Variants in EGFR observed in about 807,000 individuals in gnomAD.
The protein encoded by EGFR is avian erythroblastic leukemia viral (v-erb-b) oncogene homolog.
EGFR carries 58 observed loss-of-function variants against 143.0 expected under a neutral mutation model. The observed-to-expected ratio is 0.41, with a 90% CI of 0.33 to 0.50. EGFR has a LOEUF of 0.50. Among genes scored for constraint, EGFR ranks in the 20% least tolerant of loss-of-function variants. The probability of loss-of-function intolerance (pLI) is 0.39; values close to 1 mark genes in which losing one functional copy is unlikely to be tolerated. For missense variants in EGFR, 1,307 were observed against 1,579.0 expected (o/e 0.83, Z 2.92); for synonymous variants, 613 against 594.4 (o/e 1.03, Z -0.45).
At chr7:55,031,424 A>G (rs1400949825) in intron 1 of EGFR, among the ~76,000 whole-genome samples, 1 of 152,218 alleles carries the variant, frequency 6.6e-6, no homozygotes, top group Non-Finnish European at 1.5e-5. Context: ...GTGGGACAAC[A>G]TGAAGAATCA....
intron 1 of EGFR, among the ~76,000 whole-genome samples, chr7:55,139,299 T>A (rs1794328029): frequency 6.6e-6 from 1 of 152,232 alleles, no homozygotes; most frequent in South Asian, 2.1e-4. Context: ...TCTTTGCAGT[T>A]TTGTCTTAAA....
intron 27 of EGFR, 53 bp from the exon 28 acceptor site, chr7:55,205,203 C>T (rs2128974974): frequency 6.2e-7 from 1 of 1,607,114 alleles, no homozygotes; most frequent in Non-Finnish European, 8.5e-7. Context: ...AGGGATCCTG[C>T]ATGGGATGGT....
Position 55,191,626 on chromosome 7 carries a change from C to T in EGFR, c.2470-93C>T. 1.9e-6 allele frequency: 3 copies of T among 1,560,004 alleles called. No homozygotes were observed. In the South Asian group the frequency reaches 3.4e-5, roughly 17 times the overall value. On this transcript the variant is annotated intron_variant, in intron 20 of 27. Coordinates refer to ENST00000275493, the MANE Select transcript of EGFR (RefSeq NM_005228.5). The stretch of plus-strand genomic sequence containing the variant: ...GCCATAAGTCCTCGACGTGGAGAGG[C>T]TCAGAGCCTGGCATGAACATGACCC...
chr7:55,157,036 C>A, intron 10 of EGFR: 1 of 1,320,830 alleles, frequency 7.6e-7, no homozygotes, highest in Non-Finnish European at 1.0e-6. Flanking sequence ...GGGTCATTCA[C>A]TGCGGTGTAA....
intron 1 of EGFR, among the ~76,000 whole-genome samples, chr7:55,072,995 G>A (rs1255807263): frequency 6.6e-6 from 1 of 152,148 alleles, no homozygotes; most frequent in Non-Finnish European, 1.5e-5. Flanking sequence ...ACTACTTTTA[G>A]ATAAGGAATT....
intron 1 of EGFR, among the ~76,000 whole-genome samples, chr7:55,075,075 C>A (rs185694628): frequency 6.6e-6 from 1 of 152,160 alleles, no homozygotes; most frequent in Admixed American, 6.5e-5. Flanking sequence ...GAATAGAAGG[C>A]CAAAGGGTGT....
intron 3 of EGFR, among the ~76,000 whole-genome samples, chr7:55,145,555 G>T (rs1794717658): frequency 6.6e-6 from 1 of 152,284 alleles, no homozygotes. Context: ...CCCTTCTGGG[G>T]AAGCTCATTT....
At chr7:55,190,010 G>A (rs1406488969) in intron 20 of EGFR, among the ~76,000 whole-genome samples, 1 of 152,208 alleles carries the variant, frequency 6.6e-6, no homozygotes, top group Non-Finnish European at 1.5e-5. Context: ...CATCGCAGGA[G>A]TCAAACGAGG....
At chr7:55,156,205 G>A (rs1331703845) in intron 8 of EGFR, among the ~76,000 whole-genome samples, 1 of 152,178 alleles carries the variant, frequency 6.6e-6, no homozygotes, top group Middle Eastern at 3.2e-3. Context: ...CCAGCCCTGG[G>A]GAGAATCCAG....
intron 1 of EGFR, among the ~76,000 whole-genome samples, chr7:55,073,344 T>C (rs1436367132): frequency 6.6e-6 from 1 of 152,224 alleles, no homozygotes; most frequent in Non-Finnish European, 1.5e-5. Flanking sequence ...GTGTAGGACC[T>C]TCCCAGGGGA....
Position 55,209,625 on chromosome 7 carries a change from G to A in EGFR, c.*4008G>A, listed in dbSNP as rs1480114253. 1.3e-5 allele frequency: 2 copies of A among 152,220 alleles called. No homozygotes were observed. Among genetic ancestry groups the A allele is most frequent in the East Asian group, 3.9e-4 (2 of 5,176 alleles). 9.4% of individuals were successfully genotyped at this position (152,220 alleles called of 1,614,324 possible). ...GATCTGCTCACATTTCCTTGCCTGGGGGCTGTAAAACCTTACAGAACAGAA... is the reference window on the plus strand; with the variant it reads ...GATCTGCTCACATTTCCTTGCCTGGAGGCTGTAAAACCTTACAGAACAGAA... On this transcript the variant is annotated 3_prime_UTR_variant, in exon 28 of 28. Coordinates refer to ENST00000275493, the MANE Select transcript of EGFR (RefSeq NM_005228.5).
chr7:55,043,308 TG>T (rs1336564143), intron 1 of EGFR, among the ~76,000 whole-genome samples: 1 of 152,204 alleles, frequency 6.6e-6, no homozygotes, highest in East Asian at 1.9e-4. Flanking sequence ...GTTGTCACAC[TG>T]GGGCATCTAG....
chr7:55,117,932 A>C (rs562283371), intron 1 of EGFR, among the ~76,000 whole-genome samples: 29 of 152,280 alleles, frequency 1.9e-4, no homozygotes, highest in African/African-American at 6.5e-4. Context: ...TGAGACATGC[A>C]CCTGTGCAGA....
At chr7:55,111,806 A>G (rs571167051) in intron 1 of EGFR, among the ~76,000 whole-genome samples, 2 of 152,236 alleles carry the variant, frequency 1.3e-5, no homozygotes, top group African/African-American at 4.8e-5. Context: ...AGGAGGGCTT[A>G]TGATGATGCC....
intron 1 of EGFR, among the ~76,000 whole-genome samples, chr7:55,105,940 G>A (rs541465671): frequency 1.4e-3 from 219 of 152,280 alleles, no homozygotes; most frequent in African/African-American, 5.1e-3. Flanking sequence ...CTCAGATGTG[G>A]AGAATGTGAC....
At chr7:55,069,499 G>A (rs190822176) in intron 1 of EGFR, among the ~76,000 whole-genome samples, 7 of 152,318 alleles carry the variant, frequency 4.6e-5, no homozygotes, top group Non-Finnish European at 1.0e-4. Context: ...ACAGGCCCTG[G>A]TGACCAAGCA....
chr7:55,169,774 C>G (rs1160536203), intron 15 of EGFR, among the ~76,000 whole-genome samples: 1 of 152,158 alleles, frequency 6.6e-6, no homozygotes, highest in Non-Finnish European at 1.5e-5. Context: ...TGTCCAGCTT[C>G]TCTTCAAGGG....
chr7:55,142,929 G>T (rs1287380970), intron 2 of EGFR, among the ~76,000 whole-genome samples: 1 of 152,160 alleles, frequency 6.6e-6, no homozygotes, highest in Non-Finnish European at 1.5e-5. Flanking sequence ...GGTTTACTTA[G>T]CCTTCTTCTG....
At chr7:55,088,608 C>A (rs1228223970) in intron 1 of EGFR, among the ~76,000 whole-genome samples, 3 of 152,176 alleles carry the variant, frequency 2.0e-5, no homozygotes, top group Non-Finnish European at 4.4e-5. Context: ...CAGGGGAGTT[C>A]CTCTGGGCAT....
Sources: allele counts gnomAD v4.1 joint callset (sites outside exome capture counted in the v4.1 genomes callset), GRCh38; gene constraint gnomAD v4.1.1; transcripts MANE v1.5; gene names NCBI Gene and HGNC (gene_info 2026-07-23, HGNC 2026-07-21).